Variants in OR8D4 observed in about 807,000 individuals in gnomAD.
OR8D4 encodes olfactory receptor 8D4.
For missense variants in OR8D4, 359 were observed against 372.6 expected (o/e 0.96, Z 0.30); for synonymous variants, 141 against 134.8 (o/e 1.05, Z -0.32).
In OR8D4 at chr11:123,908,383, G is replaced by A. The variant is rs935121416; in HGVS notation, c.*1007G>A. ...TAGGTGTCTTTAATTTCCTCCACATGTTTTGAGATAAAGATAATGAAAAAG... is the reference window on the plus strand; with the variant it reads ...TAGGTGTCTTTAATTTCCTCCACATATTTTGAGATAAAGATAATGAAAAAG... On this transcript the variant is annotated 3_prime_UTR_variant, in exon 2 of 2. Transcript: ENST00000641687. 3 of 152,042 alleles carry A rather than the reference G, an allele frequency of 2.0e-5. No individual in the cohort carries two copies. Among genetic ancestry groups the A allele is most frequent in the Non-Finnish European group, 4.4e-5 (3 of 68,010 alleles). 9.4% of individuals were successfully genotyped at this position (152,042 alleles called of 1,614,324 possible). A position where few individuals can be genotyped will look rare whatever the true frequency, so the allele number is the denominator to read the frequency against.
chr11:123,906,414 C>G lies in OR8D4; in HGVS notation c.-15-3C>G. On this transcript the variant is annotated splice_region_variant and splice_polypyrimidine_tract_variant and intron_variant, in intron 1 of 1. Coordinates refer to ENST00000641687, the MANE Select transcript of OR8D4 (RefSeq NM_001005197.2). ...TTTGACTTTTTCTCTCTCATCTCCA[C>G]AGATTTCTCAGAGAAGAATGGGTGT... The G allele has an allele frequency of 6.6e-7, 1 of 1,516,442 alleles. No homozygotes were observed. Among genetic ancestry groups the G allele is most frequent in the Non-Finnish European group, 9.0e-7 (1 of 1,113,972 alleles). 93.9% of individuals were successfully genotyped at this position (1,516,442 alleles called of 1,614,324 possible).
rs766803470 is a variant in OR8D4 at position 123,907,358 on chromosome 11, A to G, written c.927A>G (p.Ile309Met). ...NALMKLLRRK[I>M]SLSPG Reference sequence around the variant, plus strand: ...TGATGAAACTTTTAAGAAGAAAAATATCTTTATCTCCAGGATAAATATGCT... The same window carrying G: ...TGATGAAACTTTTAAGAAGAAAAATGTCTTTATCTCCAGGATAAATATGCT... Residue 309 changes from isoleucine (I) to methionine (M), a missense_variant, in exon 2 of 2, where the codon ATA becomes ATG. By Grantham distance (10) the Ile-to-Met change is conservative. Coordinates refer to ENST00000641687, the MANE Select transcript of OR8D4 (RefSeq NM_001005197.2). The G allele has an allele frequency of 6.9e-6, 9 of 1,304,520 alleles. No individual in the cohort carries two copies. In the Admixed American group the frequency reaches 1.4e-4, roughly 20 times the overall value. 80.8% of individuals were successfully genotyped at this position (1,304,520 alleles called of 1,614,324 possible).
In OR8D4 at chr11:123,907,461, T is replaced by C. The variant is rs530799954; in HGVS notation, c.*85T>C. ...ATACCTTGACTATTTAAAAGTAATT[T>C]GAGGTCCAGGTACGGTGACTTACGC... On this transcript the variant is annotated 3_prime_UTR_variant, in exon 2 of 2. Transcript: ENST00000641687. 9.4e-5 allele frequency: 63 copies of C among 671,920 alleles called. 1 individual carries two copies. The highest frequency in any genetic ancestry group is 1.4e-4 in the Non-Finnish European group (58 of 411,696). 41.6% of individuals were successfully genotyped at this position (671,920 alleles called of 1,614,324 possible).
chr11:123,906,677 A>C lies in OR8D4; in HGVS notation c.246A>C (p.Leu82=). The change falls in exon 2 of 2, where the codon CTA becomes CTC. Residue 82 remains leucine, a synonymous_variant. Coordinates refer to ENST00000641687, the MANE Select transcript of OR8D4 (RefSeq NM_001005197.2). ...CTTCTGTCATTACCCCTAAAATGCT[A>C]TCAGGGTTTTTATGCAGAGATAGAT... ...CYSSVITPKM[L]SGFLCRDRSI... 1 of 1,612,820 alleles carries C rather than the reference A, an allele frequency of 6.2e-7. No individual in the cohort carries two copies. The highest frequency in any genetic ancestry group is 1.1e-5 in the South Asian group (1 of 91,054).
rs1863166085 is a variant in OR8D4 at position 123,902,183 on chromosome 11, A to G, written c.-90A>G. On this transcript the variant is annotated 5_prime_UTR_variant, in exon 1 of 2. Coordinates refer to ENST00000641687, the MANE Select transcript of OR8D4 (RefSeq NM_001005197.2). ...ACACTTAAAGAAGAAGGTAAAATCA[A>G]TCCATCTCTACTCCTGAAGTGATGA... 6.6e-6 allele frequency: 1 copy of G among 152,162 alleles called. No homozygotes were observed. Among genetic ancestry groups the G allele is most frequent in the African/African-American group, 2.4e-5 (1 of 41,446 alleles). 9.4% of individuals were successfully genotyped at this position (152,162 alleles called of 1,614,324 possible). A position where few individuals can be genotyped will look rare whatever the true frequency, so the allele number is the denominator to read the frequency against.
At chr11:123,902,313 A>G (rs1863167117) in intron 1 of OR8D4, 56 bp downstream of exon 1, 1 of 152,142 alleles carries the variant, frequency 6.6e-6, no homozygotes, top group African/African-American at 2.4e-5. Flanking sequence ...GTGTTCTGAA[A>G]TCAATTCCCG....
chr11:123,906,536 C>T lies in OR8D4; in HGVS notation c.105C>T (p.Tyr35=), dbSNP rs2137493148. The part of the protein sequence containing the change: ...LPLFCLFLGI[Y]TVTVVGNLSM... ...TCTTCTGCCTCTTCTTAGGAATTTA[C>T]ACAGTTACTGTGGTGGGAAACCTCA... is the stretch of plus-strand genomic sequence containing the variant. The change falls in exon 2 of 2, where the codon TAC becomes TAT. Residue 35 remains tyrosine, a synonymous_variant. Coordinates refer to ENST00000641687, the MANE Select transcript of OR8D4 (RefSeq NM_001005197.2). 1 of 1,613,802 alleles carries T rather than the reference C, an allele frequency of 6.2e-7. No individual in the cohort carries two copies. The highest frequency in any genetic ancestry group is 8.5e-7 in the Non-Finnish European group (1 of 1,179,754).
chr11:123,906,765 T>A lies in OR8D4; in HGVS notation c.334T>A (p.Cys112Ser), dbSNP rs139359205. ...TTTCTGTGTTTGTGTTATTTCTGAA[T>A]GCTACATGCTGGCAGCCATGGCCTG... ...FFFCVCVISE[C>S]YMLAAMACDR... Residue 112 changes from cysteine to serine, a missense_variant, in exon 2 of 2, where the codon TGC becomes AGC. By Grantham distance (112) the Cys-to-Ser change is moderately radical (BLOSUM62 -1). Coordinates refer to ENST00000641687, the MANE Select transcript of OR8D4 (RefSeq NM_001005197.2). 6.2e-7 allele frequency: 1 copy of A among 1,613,874 alleles called. No individual in the cohort carries two copies. The highest frequency in any genetic ancestry group is 1.3e-5 in the African/African-American group (1 of 74,902).
intron 1 of OR8D4, 184 bp from the exon 2 acceptor site, chr11:123,906,232 AG>A (rs1370160802): frequency 1.9e-6 from 1 of 533,124 alleles, no homozygotes; most frequent in Admixed American, 3.6e-5. Context: ...GGTATGGAAA[AG>A]TGTGTTTCTG....
chr11:123,907,288 A>G lies in OR8D4; in HGVS notation c.857A>G (p.Asn286Ser). 1.2e-6 allele frequency: 2 copies of G among 1,600,418 alleles called. No homozygotes were observed. Among genetic ancestry groups the G allele is most frequent in the Non-Finnish European group, 1.7e-6 (2 of 1,168,068 alleles). ...VFYTTVILML[N>S]PLIYSLRNNE... Reference sequence around the variant, plus strand: ...TATACCACTGTGATTCTCATGTTGAATCCCTTGATATATAGTCTGAGGAAC... The same window carrying G: ...TATACCACTGTGATTCTCATGTTGAGTCCCTTGATATATAGTCTGAGGAAC... The change falls in exon 2 of 2, where the codon AAT becomes AGT. Residue 286 changes from asparagine (N) to serine (S), a missense_variant. By Grantham distance (46) the Asn-to-Ser change is conservative. Transcript: ENST00000641687.
rs1390091407 is a variant in OR8D4, at chr11:123,908,934, T to A, written c.*1558T>A. On this transcript the variant is annotated 3_prime_UTR_variant, in exon 2 of 2. Transcript: ENST00000641687. ...GGCAAACTCTAGATCACTTAGGGAG[T>A]TTTAATTCTATCCTAAGTACAATGA... 1 of 152,050 alleles carries A rather than the reference T, an allele frequency of 6.6e-6. No homozygotes were observed. The highest frequency in any genetic ancestry group is 1.5e-5 in the Non-Finnish European group (1 of 68,024). 9.4% of individuals were successfully genotyped at this position (152,050 alleles called of 1,614,324 possible).
At position 123,906,480 on chromosome 11, in the gene OR8D4, T is replaced by G. The variant is rs943016397; in HGVS notation, c.49T>G (p.Leu17Val). The G allele has an allele frequency of 6.2e-7, 1 of 1,613,120 alleles. No individual in the cohort carries two copies. The highest frequency in any genetic ancestry group is 8.5e-7 in the Non-Finnish European group (1 of 1,179,632). Residue 17 changes from leucine to valine, a missense_variant, in exon 2 of 2, where the codon TTA becomes GTA. Coordinates refer to ENST00000641687, the MANE Select transcript of OR8D4 (RefSeq NM_001005197.2). ...AGTGACTGAGTTTCTTCTTTCAGGA[T>G]TAACTGAACAAGCAGAGCTTCAGCT... is the stretch of plus-strand genomic sequence containing the variant. ...STVTEFLLSG[L>V]TEQAELQLPL...
rs77417791 is a variant in OR8D4 at position 123,909,214 on chromosome 11, T to C, written c.*1838T>C. 1 of 152,090 alleles carries C rather than the reference T, an allele frequency of 6.6e-6. No homozygotes were observed. The highest frequency in any genetic ancestry group is 1.5e-5 in the Non-Finnish European group (1 of 68,014). The allele number at this position is 152,090 out of a possible 1,614,324, so 9.4% of individuals were successfully genotyped here. A position where few individuals can be genotyped will look rare whatever the true frequency, so the allele number is the denominator to read the frequency against. On this transcript the variant is annotated 3_prime_UTR_variant, in exon 2 of 2. Transcript: ENST00000641687. ...AGCAGTAGAAATAAAAAAAAATAGA[T>C]TCAAGATACATTTCTGACTGTGAAT...
Position 123,906,424 on chromosome 11 carries a change from A to G in OR8D4, c.-8A>G, listed in dbSNP as rs767844571. On this transcript the variant is annotated 5_prime_UTR_variant, in exon 2 of 2. Coordinates refer to ENST00000641687, the MANE Select transcript of OR8D4 (RefSeq NM_001005197.2). ...TCTCTCTCATCTCCACAGATTTCTC[A>G]GAGAAGAATGGGTGTAAAAAACCAT... 5 of 1,559,270 alleles carry G rather than the reference A, an allele frequency of 3.2e-6. No individual in the cohort carries two copies. The highest frequency in any genetic ancestry group is 3.7e-5 in the Admixed American group (2 of 53,772).
At position 123,902,173 on chromosome 11, in the gene OR8D4, G is replaced by A. The variant is rs887038997; in HGVS notation, c.-100G>A. On this transcript the variant is annotated 5_prime_UTR_variant, in exon 1 of 2. Transcript: ENST00000641687. ...TGTCACTCAGACACTTAAAGAAGAAGGTAAAATCAATCCATCTCTACTCCT... is the reference window on the plus strand; with the variant it reads ...TGTCACTCAGACACTTAAAGAAGAAAGTAAAATCAATCCATCTCTACTCCT... The A allele has an allele frequency of 2.0e-5, 3 of 152,060 alleles. No homozygotes were observed. Among genetic ancestry groups the A allele is most frequent in the Non-Finnish European group, 2.9e-5 (2 of 68,016 alleles). The allele number at this position is 152,060 out of a possible 1,614,324, so 9.4% of individuals were successfully genotyped here. A position where few individuals can be genotyped will look rare whatever the true frequency, so the allele number is the denominator to read the frequency against.
At chr11:123,906,277 C>T (rs1034385821) in intron 1 of OR8D4, 140 bp from the exon 2 acceptor site, 5 of 581,086 alleles carry the variant, frequency 8.6e-6, no homozygotes, top group Admixed American at 3.2e-5. Flanking sequence ...AGATGCTTAC[C>T]GACTCCATTT....
chr11:123,905,548 C>T (rs184844430), intron 1 of OR8D4, among the ~76,000 whole-genome samples: 3 of 152,284 alleles, frequency 2.0e-5, no homozygotes, highest in Admixed American at 1.3e-4. Flanking sequence ...TTTTGCTGAA[C>T]ACCCTTGGAA....
In OR8D4 at chr11:123,907,542, C is replaced by A. The variant is rs1333120954; in HGVS notation, c.*166C>A. The A allele has an allele frequency of 2.6e-6, 1 of 386,632 alleles. No individual in the cohort carries two copies. The highest frequency in any genetic ancestry group is 2.1e-5 in the African/African-American group (1 of 48,136). 24.0% of individuals were successfully genotyped at this position (386,632 alleles called of 1,614,324 possible). On this transcript the variant is annotated 3_prime_UTR_variant, in exon 2 of 2. Coordinates refer to ENST00000641687, the MANE Select transcript of OR8D4 (RefSeq NM_001005197.2). ...TGGGTGGATCACGAGGTCCGGTGTT[C>A]AAGACCAGCCTGGCCAAGATGATGA...
chr11:123,905,674 C>A (rs530097860), intron 1 of OR8D4, among the ~76,000 whole-genome samples: 1 of 139,064 alleles, frequency 7.2e-6, no homozygotes, highest in Non-Finnish European at 1.6e-5. Context: ...TTCTCATAGT[C>A]CTCAGCCTCT....
Sources: allele counts gnomAD v4.1 joint callset (sites outside exome capture counted in the v4.1 genomes callset), GRCh38; gene constraint gnomAD v4.1.1; transcripts MANE v1.5; gene names NCBI Gene and HGNC (gene_info 2026-07-23, HGNC 2026-07-21).